CHD7: variants seen among roughly 807,000 people sequenced by gnomAD.
CHD7 encodes ATP-dependent chromatin remodeler CHD7.
A neutral mutation model predicts 307.3 loss-of-function variants in CHD7; 24 were observed. That is an observed-to-expected ratio of 0.08 (90% CI 0.06 to 0.11). CHD7 has a LOEUF of 0.11. CHD7 is among the 10% of genes least tolerant of loss of function. The pLI is 1.00. For missense variants in CHD7, 3,106 were observed against 3,727.1 expected, an observed-to-expected ratio of 0.83 and a Z score of 4.34; for synonymous variants, 1,363 against 1,349.9, an observed-to-expected ratio of 1.01 and a Z score of -0.21.
intron 23 of CHD7, 116 bp from the exon 24 acceptor site, chr8:60,848,399 G>A (rs1805304092): frequency 7.4e-6 from 5 of 678,212 alleles, no homozygotes; most frequent in Non-Finnish European, 1.3e-5. Context: ...CTACCATACA[G>A]CATGGCTAAT....
intron 1 of CHD7, among the ~76,000 whole-genome samples, chr8:60,740,667 A>T (rs941188412): frequency 3.3e-5 from 5 of 152,252 alleles, no homozygotes; most frequent in East Asian, 1.9e-4. Context: ...TTCTTGTTAG[A>T]TGCCTCTGTT....
At chr8:60,702,712 CTTA>C (rs1806822189) in intron 1 of CHD7, among the ~76,000 whole-genome samples, 1 of 152,180 alleles carries the variant, frequency 6.6e-6, no homozygotes. Flanking sequence ...CATAGTGAAT[CTTA>C]TTATCTTTTG....
chr8:60,707,059 A>G (rs1461158097), intron 1 of CHD7, among the ~76,000 whole-genome samples: 1 of 152,184 alleles, frequency 6.6e-6, no homozygotes, highest in Non-Finnish European at 1.5e-5. Flanking sequence ...TATGAGTGAG[A>G]ACATGCAGTA....
At chr8:60,827,791 G>T (rs1429672999) in intron 13 of CHD7, among the ~76,000 whole-genome samples, 1 of 151,528 alleles carries the variant, frequency 6.6e-6, no homozygotes, top group Non-Finnish European at 1.5e-5. Context: ...ACTCTGCTTG[G>T]CAACCGAGAC....
rs1184060590 is a variant in CHD7, at chr8:60,853,062, G to C, written c.6337G>C (p.Asp2113His). ...TGCTAAACACGGGGTCAGTCGGACG[G>C]ATTATCACATCCTCAATGACCCTGA... ...GAAKHGVSRT[D>H]YHILNDPELS... is the part of the protein sequence containing the mutation. The change falls in exon 31 of 38, where the codon GAT becomes CAT. Residue 2113 changes from aspartate (D) to histidine (H), a missense_variant. Coordinates refer to ENST00000423902, the MANE Select transcript of CHD7 (RefSeq NM_017780.4). 6.2e-7 allele frequency: 1 copy of C among 1,613,846 alleles called. No homozygotes were observed. Among genetic ancestry groups the C allele is most frequent in the Non-Finnish European group, 8.5e-7 (1 of 1,179,890 alleles).
intron 3 of CHD7, among the ~76,000 whole-genome samples, chr8:60,784,735 G>A (rs1380064013): frequency 2.0e-5 from 3 of 152,118 alleles, no homozygotes; most frequent in African/African-American, 7.2e-5. Flanking sequence ...GATCATACAT[G>A]TCTTTCCTCT....
chr8:60,683,841 A>G (rs760690586), intron 1 of CHD7, among the ~76,000 whole-genome samples: 3 of 152,022 alleles, frequency 2.0e-5, no homozygotes, highest in Non-Finnish European at 4.4e-5. Flanking sequence ...TTAGAATCCT[A>G]CAGCATAGGA....
intron 1 of CHD7, among the ~76,000 whole-genome samples, chr8:60,740,228 T>G (rs1808924770): frequency 6.6e-6 from 1 of 152,250 alleles, no homozygotes; most frequent in Non-Finnish European, 1.5e-5. Context: ...CTTGTCTCCC[T>G]TCCTGCTTAG....
At chr8:60,766,111 C>T (rs1462736488) in intron 2 of CHD7, among the ~76,000 whole-genome samples, 1 of 152,220 alleles carries the variant, frequency 6.6e-6, no homozygotes, top group Admixed American at 6.5e-5. Flanking sequence ...GTTGCTAACA[C>T]TTTGTCACTT....
At chr8:60,850,904 G>A (rs1031926255) in intron 26 of CHD7, 128 bp from the exon 27 acceptor site, 5 of 725,288 alleles carry the variant, frequency 6.9e-6, no homozygotes, top group African/African-American at 3.6e-5. Flanking sequence ...TACTGATAGA[G>A]TTGCTTTTGA....
intron 1 of CHD7, among the ~76,000 whole-genome samples, chr8:60,691,927 G>C (rs1235503503): frequency 6.6e-6 from 1 of 152,106 alleles, no homozygotes; most frequent in Non-Finnish European, 1.5e-5. Flanking sequence ...CGCTTAGGGT[G>C]CTTGTTAAAA....
At chr8:60,767,298 G>C (rs1563583017) in intron 2 of CHD7, among the ~76,000 whole-genome samples, 1 of 152,240 alleles carries the variant, frequency 6.6e-6, no homozygotes, top group Non-Finnish European at 1.5e-5. Flanking sequence ...GATGTGTTGA[G>C]AGGCTCAGTA....
intron 2 of CHD7, among the ~76,000 whole-genome samples, chr8:60,756,336 C>T (rs1809890954): frequency 1.3e-5 from 2 of 152,126 alleles, no homozygotes; most frequent in African/African-American, 4.8e-5. Context: ...GTCATCTATA[C>T]ATGGTAATGC....
At chr8:60,783,185 T>C (rs1811342185) in intron 3 of CHD7, among the ~76,000 whole-genome samples, 1 of 152,208 alleles carries the variant, frequency 6.6e-6, no homozygotes, top group Non-Finnish European at 1.5e-5. Context: ...AAGTATGTCT[T>C]TTTAAGTTCT....
At chr8:60,805,568 T>C (rs1013294630) in intron 6 of CHD7, among the ~76,000 whole-genome samples, 2 of 152,106 alleles carry the variant, frequency 1.3e-5, no homozygotes, top group African/African-American at 4.8e-5. Flanking sequence ...TGGGTAGTAA[T>C]GAGAGTTGGG....
At chr8:60,785,899 A>G (rs560813725) in intron 3 of CHD7, among the ~76,000 whole-genome samples, 348 of 152,160 alleles carry the variant, frequency 2.3e-3, no homozygotes, top group African/African-American at 8.1e-3. Flanking sequence ...TCTTGGTGGA[A>G]GACATTGGAC....
At position 60,852,927 on chromosome 8, in the gene CHD7, G is replaced by A. The variant is rs1805524220; in HGVS notation, c.6202G>A (p.Val2068Ile). 1 of 1,613,836 alleles carries A rather than the reference G, an allele frequency of 6.2e-7. No homozygotes were observed. Among genetic ancestry groups the A allele is most frequent in the South Asian group, 1.1e-5 (1 of 91,070 alleles). ...GCTGCTACGGAAGATCCGCGAGCAG[G>A]TTCTCCATCACCCCCAGCTGGGAGA... is the stretch of plus-strand genomic sequence containing the variant. ...IELLRKIREQ[V>I]LHHPQLGERL... Residue 2068 changes from valine (V) to isoleucine (I), a missense_variant, in exon 31 of 38, where the codon GTT (valine) becomes ATT (isoleucine). Val to Ile is a conservative substitution (Grantham distance 29, BLOSUM62 3). Around this residue, in one of 10 missense-constraint regions of CHD7, gnomAD observed 1,030 missense variants for 1,165.4 expected, o/e 0.88. Coordinates refer to ENST00000423902, the MANE Select transcript of CHD7 (RefSeq NM_017780.4).
At chr8:60,712,915 G>C (rs1329136304) in intron 1 of CHD7, among the ~76,000 whole-genome samples, 1 of 151,934 alleles carries the variant, frequency 6.6e-6, no homozygotes, top group African/African-American at 2.4e-5. Context: ...GCTGGGTGTG[G>C]TGGTGTGTGG....
chr8:60,729,774 G>A (rs779598036), intron 1 of CHD7, among the ~76,000 whole-genome samples: 2 of 152,170 alleles, frequency 1.3e-5, no homozygotes, highest in Non-Finnish European at 2.9e-5. Context: ...TCTTCTCACT[G>A]CACTTACTTT....
Sources: allele counts gnomAD v4.1 joint callset (sites outside exome capture counted in the v4.1 genomes callset), GRCh38; gene constraint gnomAD v4.1.1; regional missense constraint gnomAD v4.1.1; transcripts MANE v1.5; gene names NCBI Gene and HGNC (gene_info 2026-07-23, HGNC 2026-07-21).